Variants in GNG2 observed in about 807,000 individuals in gnomAD.
The protein encoded by GNG2 is G protein subunit gamma 2, also known as guanine nucleotide-binding protein G(I)/G(S)/G(O) subunit gamma-2.
GNG2 carries 5 observed loss-of-function variants against 5.5 expected under a neutral mutation model. The ratio of observed to expected loss-of-function variants is 0.91; its 90% CI spans 0.48 to 1.92. GNG2 has a LOEUF of 1.92. GNG2 is among the 30% of genes most tolerant of loss of function. The probability of loss-of-function intolerance (pLI) is 0.01; values close to 1 mark genes in which losing one functional copy is unlikely to be tolerated. For synonymous variants in GNG2, 28 were observed against 32.0 expected (o/e 0.88, Z 0.42); for missense variants, 55 against 88.4 (o/e 0.62, Z 1.52).
chr14:51,903,263 G>C (rs1486209052), intron 2 of GNG2, among the ~76,000 whole-genome samples: 1 of 152,080 alleles, frequency 6.6e-6, no homozygotes, highest in Non-Finnish European at 1.5e-5. Flanking sequence ...ATCAACAATA[G>C]ATATTAAATA....
intron 1 of GNG2, among the ~76,000 whole-genome samples, chr14:51,875,956 G>A (rs144437567): frequency 6.0e-4 from 24 of 40,062 alleles, no homozygotes; most frequent in East Asian, 4.2e-3. Flanking sequence ...TCTTTTTTCC[G>A]AGACAGACTC....
At chr14:51,954,800 C>G (rs1889187212) in intron 3 of GNG2, among the ~76,000 whole-genome samples, 3 of 152,176 alleles carry the variant, frequency 2.0e-5, no homozygotes, top group Admixed American at 2.0e-4. Flanking sequence ...AGGATCACAA[C>G]TCATAGTTCC....
chr14:51,839,814 C>T (rs1199070001), intron 2 of GNG2, among the ~76,000 whole-genome samples: 2 of 152,136 alleles, frequency 1.3e-5, no homozygotes, highest in East Asian at 1.9e-4. Flanking sequence ...TGTACCACAA[C>T]ATTTTTAATT....
At chr14:51,964,677 AT>A (rs1489912726) in intron 3 of GNG2, among the ~76,000 whole-genome samples, 5 of 152,174 alleles carry the variant, frequency 3.3e-5, no homozygotes, top group Admixed American at 2.0e-4. Flanking sequence ...GAGGAAACTG[AT>A]TTCTCTACCC....
intron 2 of GNG2, among the ~76,000 whole-genome samples, chr14:51,849,759 T>C (rs79742092): frequency 1.2e-3 from 179 of 152,248 alleles, no homozygotes; most frequent in Non-Finnish European, 2.0e-3. Context: ...AATATTTGTA[T>C]ATTCAAATGT....
intron 2 of GNG2, among the ~76,000 whole-genome samples, chr14:51,848,150 G>A (rs1262316757): frequency 6.6e-6 from 1 of 151,840 alleles, no homozygotes; most frequent in Non-Finnish European, 1.5e-5. Context: ...AATTCTTATA[G>A]CCCTAGTTTC....
At chr14:51,860,422 G>A (rs1882387106), upstream of GNG2, 1 of 152,844 alleles carries the variant, frequency 6.5e-6, no homozygotes, top group Non-Finnish European at 1.5e-5. Context: ...TGAACAAAGG[G>A]AGAAGGGGGA....
chr14:51,875,556 T>C (rs561097057), intron 1 of GNG2, among the ~76,000 whole-genome samples: 1 of 152,232 alleles, frequency 6.6e-6, no homozygotes, highest in African/African-American at 2.4e-5. Flanking sequence ...TGTTTAGATT[T>C]TGATGTATTT....
At chr14:51,893,188 A>AGAT (rs1256437135) in intron 2 of GNG2, among the ~76,000 whole-genome samples, 2 of 152,172 alleles carry the variant, frequency 1.3e-5, no homozygotes, top group Non-Finnish European at 2.9e-5. Context: ...ATATATTACT[A>AGAT]GATTTCTTTC....
intron 2 of GNG2, among the ~76,000 whole-genome samples, chr14:51,852,500 T>A (rs1177292254): frequency 6.6e-6 from 1 of 152,210 alleles, no homozygotes; most frequent in Non-Finnish European, 1.5e-5. Flanking sequence ...GATAATACAA[T>A]GTGATAAGAG....
intron 2 of GNG2, chr14:51,841,495 C>T (rs1167561632): frequency 4.3e-6 from 3 of 701,452 alleles, no homozygotes; most frequent in South Asian, 3.0e-5. Flanking sequence ...ATTTTTCTCT[C>T]CATTTTACAG....
At chr14:51,870,637 C>T (rs1215539083) in intron 1 of GNG2, among the ~76,000 whole-genome samples, 4 of 152,174 alleles carry the variant, frequency 2.6e-5, no homozygotes, top group Admixed American at 1.3e-4. Flanking sequence ...TTGTTGATTA[C>T]AGTACCTGTA....
intron 2 of GNG2, among the ~76,000 whole-genome samples, chr14:51,844,064 G>T (rs180987061): frequency 2.0e-5 from 3 of 152,190 alleles, no homozygotes; most frequent in East Asian, 3.9e-4. Context: ...TTCTCAGTTC[G>T]CTCTGCTCCT....
At chr14:51,943,641 A>G (rs1278465130) in intron 2 of GNG2, among the ~76,000 whole-genome samples, 1 of 152,252 alleles carries the variant, frequency 6.6e-6, no homozygotes, top group Admixed American at 6.5e-5. Flanking sequence ...CAGTGAATGT[A>G]GTATGTTTAT....
chr14:51,966,841 C>T lies in GNG2; in HGVS notation c.*154C>T, dbSNP rs1040641624. Reference sequence around the variant, plus strand: ...CTATGCATGTTTAAAGATCTGGTCCCCTTTATGAGAATGCAAGCCGATCCA... The same window carrying T: ...CTATGCATGTTTAAAGATCTGGTCCTCTTTATGAGAATGCAAGCCGATCCA... On this transcript the variant is annotated 3_prime_UTR_variant, in exon 4 of 4. Coordinates refer to ENST00000556766, the MANE Select transcript of GNG2 (RefSeq NM_053064.5). The T allele has an allele frequency of 6.6e-6, 4 of 604,546 alleles. No individual in the cohort carries two copies. The highest frequency in any genetic ancestry group is 5.5e-5 in the African/African-American group (3 of 54,148). 37.4% of individuals were successfully genotyped at this position (604,546 alleles called of 1,614,324 possible).
intron 2 of GNG2, among the ~76,000 whole-genome samples, chr14:51,880,069 C>A (rs1022659559): frequency 6.6e-6 from 1 of 152,156 alleles, no homozygotes; most frequent in African/African-American, 2.4e-5. Context: ...TTTGTAGGTC[C>A]AGGTACTGAA....
In GNG2 at chr14:51,841,455, T is replaced by G; in HGVS notation, c.64+13648T>G. 8 of 684,288 alleles carry G rather than the reference T, an allele frequency of 1.2e-5. No homozygotes were observed. In the South Asian group the frequency reaches 1.2e-4, roughly 10 times the overall value. 42.4% of individuals were successfully genotyped at this position (684,288 alleles called of 1,614,324 possible). Reference sequence around the variant, plus strand: ...GTTTGTTCTGTATGAATTCATATAATCCTCACTGTAATCCTCTAAGGTAGA... The same window carrying G: ...GTTTGTTCTGTATGAATTCATATAAGCCTCACTGTAATCCTCTAAGGTAGA... On this transcript the variant is annotated intron_variant, in intron 2 of 3. Transcript: ENST00000553432.
chr14:51,855,364 C>T (rs1450119882), intron 2 of GNG2, among the ~76,000 whole-genome samples: 1 of 152,188 alleles, frequency 6.6e-6, no homozygotes, highest in Non-Finnish European at 1.5e-5. Flanking sequence ...TAGTTCTGCC[C>T]ACCCACCCCC....
intron 2 of GNG2, chr14:51,940,514 A>G (rs974912866): frequency 2.6e-5 from 4 of 152,116 alleles, no homozygotes; most frequent in Admixed American, 6.5e-5. Flanking sequence ...AAACCTCCAC[A>G]CTGCTGCTCA....
Sources: gnomAD v4.1 joint callset for allele counts (sites outside exome capture counted in the v4.1 genomes callset) on GRCh38, gnomAD v4.1.1 for gene constraint, MANE v1.5 for transcripts, NCBI Gene and HGNC (gene_info 2026-07-23, HGNC 2026-07-21) for gene names.